WWC2: variants seen among roughly 807,000 people sequenced by gnomAD.
WWC2 encodes WW and C2 domain containing 2, also known as protein WWC2.
Under a neutral mutation model 138.5 loss-of-function variants are expected in WWC2, and 101 were observed. The observed-to-expected ratio is 0.73, with a 90% CI of 0.62 to 0.86. WWC2 has a LOEUF of 0.86. WWC2 is among the 40% of genes least tolerant of loss of function. The probability of loss-of-function intolerance (pLI) is 0.00; values close to 1 mark genes in which losing one functional copy is unlikely to be tolerated. For synonymous variants in WWC2, 558 were observed against 538.4 expected, an observed-to-expected ratio of 1.04 and a Z score of -0.50; for missense variants, 1,420 against 1,419.4, an observed-to-expected ratio of 1.00 and a Z score of -0.01.
intron 1 of WWC2, among the ~76,000 whole-genome samples, chr4:183,156,127 A>T (rs1363722972): frequency 6.6e-6 from 1 of 151,966 alleles, no homozygotes; most frequent in Non-Finnish European, 1.5e-5. Flanking sequence ...CCCAGGTTCA[A>T]GCTATTCTCC....
chr4:183,319,642 G>A lies in WWC2; in HGVS notation c.*3913G>A. ...ACTGCGTAGTGGCCCGAAGCTAGGG[G>A]AGCGTGGCTGGAGCAGGCTGCACAG... is the stretch of plus-strand genomic sequence containing the variant. On this transcript the variant is annotated 3_prime_UTR_variant, in exon 23 of 23. Coordinates refer to ENST00000403733, the MANE Select transcript of WWC2 (RefSeq NM_024949.6). The A allele has an allele frequency of 6.2e-7, 1 of 1,614,178 alleles. No individual in the cohort carries two copies. Among genetic ancestry groups the A allele is most frequent in the Non-Finnish European group, 8.5e-7 (1 of 1,180,034 alleles).
intron 14 of WWC2, among the ~76,000 whole-genome samples, chr4:183,267,954 G>C (rs1050042739): frequency 6.6e-6 from 1 of 152,044 alleles, no homozygotes; most frequent in African/African-American, 2.4e-5. Flanking sequence ...ATTGTGACAA[G>C]CAGAAAAGAT....
intron 1 of WWC2, among the ~76,000 whole-genome samples, chr4:183,186,747 G>C (rs1309410638): frequency 6.6e-6 from 1 of 151,862 alleles, no homozygotes; most frequent in Non-Finnish European, 1.5e-5. Context: ...GAGCAGACCT[G>C]GGAGACAACA....
chr4:183,234,529 T>G (rs961521389), intron 4 of WWC2, among the ~76,000 whole-genome samples: 1 of 152,174 alleles, frequency 6.6e-6, no homozygotes, highest in African/African-American at 2.4e-5. Context: ...AATTCTAATT[T>G]GTCTTTCTTT....
intron 21 of WWC2, among the ~76,000 whole-genome samples, chr4:183,304,974 G>C (rs757649163): frequency 4.6e-5 from 7 of 152,306 alleles, no homozygotes; most frequent in Non-Finnish European, 8.8e-5. Context: ...TAAACTAACT[G>C]TGGTTAGTAT....
At chr4:183,199,450 A>T (rs1290896129) in intron 2 of WWC2, among the ~76,000 whole-genome samples, 2 of 152,156 alleles carry the variant, frequency 1.3e-5, no homozygotes, top group South Asian at 4.2e-4. Flanking sequence ...TTCTGCGTAC[A>T]TCTATGTCAC....
Position 183,240,240 on chromosome 4 carries a change from C to G in WWC2, c.580C>G (p.Gln194Glu), listed in dbSNP as rs1281756827. 1 of 1,552,570 alleles carries G rather than the reference C, an allele frequency of 6.4e-7. No individual in the cohort carries two copies. The highest frequency in any genetic ancestry group is 8.7e-7 in the Non-Finnish European group (1 of 1,147,796). Reference protein sequence around the residue: ...QMKQELLYKEQGFETLQQIDK... With the variant: ...QMKQELLYKEEGFETLQQIDK... ...GAAGCAGGAACTGCTCTATAAAGAA[C>G]AAGGCTTTGAAACATTGCAGCAGTG... Residue 194 changes from glutamine to glutamate, a missense_variant, in exon 5 of 23, where the codon CAA becomes GAA. Coordinates refer to ENST00000403733, the MANE Select transcript of WWC2 (RefSeq NM_024949.6).
At chr4:183,221,863 A>T (rs1407896766) in intron 4 of WWC2, among the ~76,000 whole-genome samples, 1 of 152,192 alleles carries the variant, frequency 6.6e-6, no homozygotes, top group Admixed American at 6.5e-5. Context: ...AAAGTTAAAC[A>T]TATTTAACAT....
chr4:183,158,429 G>A (rs1412312546), intron 1 of WWC2, among the ~76,000 whole-genome samples: 1 of 151,622 alleles, frequency 6.6e-6, no homozygotes, highest in Non-Finnish European at 1.5e-5. Flanking sequence ...TGTCTCCTGG[G>A]CTTGCAGATG....
In WWC2 at chr4:183,219,237, T is replaced by C. The variant is rs550609222; in HGVS notation, c.522+10212T>C. Among the ~76,000 whole-genome samples, 3 of 152,264 alleles carry C rather than the reference T, an allele frequency of 2.0e-5. No individual in the cohort carries two copies. In the South Asian group the frequency reaches 6.2e-4, roughly 32 times the overall value. ...GGGACAGAGTTTCAGTTTAGAACAATGAAAAATTTCAGGAAATGACCAGTG... is the reference window on the plus strand; with the variant it reads ...GGGACAGAGTTTCAGTTTAGAACAACGAAAAATTTCAGGAAATGACCAGTG... On this transcript the variant is annotated intron_variant, in intron 4 of 22. Coordinates refer to ENST00000403733, the MANE Select transcript of WWC2 (RefSeq NM_024949.6).
At chr4:183,197,833 T>A (rs1024178122) in intron 2 of WWC2, among the ~76,000 whole-genome samples, 1 of 152,194 alleles carries the variant, frequency 6.6e-6, no homozygotes, top group African/African-American at 2.4e-5. Context: ...TGTATAGTCC[T>A]TTGTAACTTG....
chr4:183,282,363 C>T (rs111799635), intron 17 of WWC2, among the ~76,000 whole-genome samples: 8 of 152,234 alleles, frequency 5.3e-5, no homozygotes, highest in East Asian at 3.9e-4. Context: ...AAATGAACAA[C>T]GAATACCAAG....
intron 16 of WWC2, among the ~76,000 whole-genome samples, chr4:183,273,859 G>A (rs1005799292): frequency 2.6e-5 from 4 of 152,062 alleles, no homozygotes; most frequent in African/African-American, 4.8e-5. Context: ...ATTTATTCCT[G>A]GGTCTTTTTC....
chr4:183,272,202 A>C (rs1737713977), intron 16 of WWC2, among the ~76,000 whole-genome samples: 1 of 152,202 alleles, frequency 6.6e-6, no homozygotes, highest in African/African-American at 2.4e-5. Context: ...ACAGTGTTTT[A>C]TGGATCATCT....
At chr4:183,128,431 C>T (rs1361605446) in intron 1 of WWC2, among the ~76,000 whole-genome samples, 1 of 152,090 alleles carries the variant, frequency 6.6e-6, no homozygotes, top group Non-Finnish European at 1.5e-5. Context: ...GGGAGGATTG[C>T]TTGAGCCCAG....
chr4:183,260,827 C>A (rs2111356471), intron 10 of WWC2, 83 bp from the exon 11 acceptor site: 2 of 1,507,724 alleles, frequency 1.3e-6, no homozygotes, highest in East Asian at 2.3e-5. Flanking sequence ...CTTCCCTCTG[C>A]AGATCTGAAG....
At chr4:183,125,579 A>G (rs1458684487) in intron 1 of WWC2, among the ~76,000 whole-genome samples, 1 of 152,232 alleles carries the variant, frequency 6.6e-6, no homozygotes, top group Non-Finnish European at 1.5e-5. Flanking sequence ...TACTGGGTCT[A>G]AAGTTTTATA....
At chr4:183,282,983 C>T (rs1738130431) in intron 18 of WWC2, 77 bp downstream of exon 18, 3 of 1,387,128 alleles carry the variant, frequency 2.2e-6, no homozygotes, top group Non-Finnish European at 2.9e-6. Flanking sequence ...TTGTTTGTCT[C>T]CTTAGGTGTA....
At chr4:183,245,315 T>A in intron 5 of WWC2, 101 bp from the exon 6 acceptor site, 3 of 1,014,700 alleles carry the variant, frequency 3.0e-6, no homozygotes, top group Admixed American at 4.7e-5. Flanking sequence ...AGCAGTGAAA[T>A]AATCATCCAA....
Sources: allele counts gnomAD v4.1 joint callset (sites outside exome capture counted in the v4.1 genomes callset), GRCh38; gene constraint gnomAD v4.1.1; transcripts MANE v1.5; gene names NCBI Gene and HGNC (gene_info 2026-07-23, HGNC 2026-07-21).